The following USP25 variants were observed in gnomAD, a reference collection of about 807,000 sequenced individuals.
The protein encoded by USP25 is ubiquitin carboxyl-terminal hydrolase 25.
A neutral mutation model predicts 158.5 loss-of-function variants in USP25; 85 were observed. That is an observed-to-expected ratio of 0.54 (90% confidence interval 0.45 to 0.64). The LOEUF is 0.64. Ranked by LOEUF, USP25 falls within the 30% of genes least tolerant of loss-of-function variation. The pLI, the probability that USP25 is intolerant of heterozygous loss-of-function variation, is 0.00. For synonymous variants in USP25, 464 were observed against 460.4 expected (o/e 1.01, Z -0.10); for missense variants, 1,242 against 1,327.3 (o/e 0.94, Z 1.00).
At chr21:15,865,912 T>TG (rs923019992) in intron 21 of USP25, among the ~76,000 whole-genome samples, 2 of 152,060 alleles carry the variant, frequency 1.3e-5, no homozygotes, top group Admixed American at 6.6e-5. Context: ...TAATACCATG[T>TG]GGGGGGAAAA....
At chr21:15,783,406 A>C (rs2035081135) in intron 4 of USP25, among the ~76,000 whole-genome samples, 1 of 152,180 alleles carries the variant, frequency 6.6e-6, no homozygotes, top group Non-Finnish European at 1.5e-5. Context: ...ATGGACATCT[A>C]GGAATGAAAA....
rs2040229202 is a variant in USP25, at chr21:15,880,061, C to G, written c.*1586C>G. On this transcript the variant is annotated 3_prime_UTR_variant, in exon 26 of 26. Transcript: ENST00000400183. ...TCCTTAATATTTTATGACATTCTAC[C>G]ACAGTGGTAAAGTTGTTTGTGTTTG... 6.6e-6 allele frequency: 1 copy of G among 152,126 alleles called. No homozygotes were observed. The highest frequency in any genetic ancestry group is 6.5e-5 in the Admixed American group (1 of 15,272). 9.4% of individuals were successfully genotyped at this position (152,126 alleles called of 1,614,324 possible). A position where few individuals can be genotyped will look rare whatever the true frequency, so the allele number is the denominator to read the frequency against.
intron 16 of USP25, among the ~76,000 whole-genome samples, chr21:15,832,837 T>A (rs1010592803): frequency 2.0e-5 from 3 of 151,912 alleles, no homozygotes; most frequent in Non-Finnish European, 4.4e-5. Context: ...GCTAACACAG[T>A]GAAACCCCAT....
intron 19 of USP25, among the ~76,000 whole-genome samples, chr21:15,848,016 T>C (rs746654372): frequency 1.2e-4 from 18 of 152,210 alleles, no homozygotes; most frequent in Non-Finnish European, 5.9e-5. Flanking sequence ...GTTAATTCTT[T>C]TATGCAGAAA....
intron 7 of USP25, among the ~76,000 whole-genome samples, chr21:15,806,076 A>T (rs1268891261): frequency 9.6e-5 from 14 of 145,084 alleles, no homozygotes. Context: ...GGGCACTCAC[A>T]TCAGAGTTTC....
intron 1 of USP25, among the ~76,000 whole-genome samples, chr21:15,757,761 A>G (rs2033473411): frequency 6.6e-6 from 1 of 152,200 alleles, no homozygotes; most frequent in Non-Finnish European, 1.5e-5. Flanking sequence ...CTAACATGCC[A>G]TTGGTCAAAT....
chr21:15,854,969 G>A lies in USP25; in HGVS notation c.2547+5097G>A, dbSNP rs147419007. Among the ~76,000 whole-genome samples the A allele has an allele frequency of 5.5e-4, 84 of 152,248 alleles. No individual in the cohort carries two copies. The East Asian group carries it at 0.013, about 23-fold the overall frequency. On this transcript the variant is annotated intron_variant, in intron 20 of 25. Transcript: ENST00000400183. ...GCTTACGGAGAGAAGATTCTGTTGTGTAAAAATGAAATTCAGAGGAAAGCA... is the reference window on the plus strand; with the variant it reads ...GCTTACGGAGAGAAGATTCTGTTGTATAAAAATGAAATTCAGAGGAAAGCA...
chr21:15,800,177 C>T (rs909318617), intron 6 of USP25, among the ~76,000 whole-genome samples: 12 of 151,292 alleles, frequency 7.9e-5, no homozygotes, highest in African/African-American at 2.7e-4. Flanking sequence ...TTGTGGAAAT[C>T]GAAATTTCTT....
chr21:15,845,271 AT>A (rs1010895396), intron 18 of USP25, among the ~76,000 whole-genome samples: 6 of 152,222 alleles, frequency 3.9e-5, no homozygotes, highest in African/African-American at 1.2e-4. Flanking sequence ...TATTTTAATT[AT>A]TTTTGCAGCA....
chr21:15,808,944 A>C, intron 8 of USP25, 59 bp downstream of exon 8: 1 of 1,182,386 alleles, frequency 8.5e-7, no homozygotes, highest in African/African-American at 1.5e-5. Context: ...AGCATGTATT[A>C]AATGTCAACA....
chr21:15,732,423 G>T (rs2031008761), intron 1 of USP25, among the ~76,000 whole-genome samples: 1 of 152,114 alleles, frequency 6.6e-6, no homozygotes, highest in Non-Finnish European at 1.5e-5. Flanking sequence ...CATCTACCTC[G>T]ATAAGTTGAC....
intron 1 of USP25, among the ~76,000 whole-genome samples, chr21:15,736,832 G>GT (rs888224135): frequency 6.0e-5 from 9 of 149,542 alleles, no homozygotes; most frequent in East Asian, 2.0e-4. Flanking sequence ...TTAGTAGCTA[G>GT]TTTTTTTTAA....
intron 16 of USP25, 92 bp from the exon 17 acceptor site, chr21:15,833,255 GT>G: frequency 8.3e-7 from 1 of 1,204,426 alleles, no homozygotes; most frequent in Non-Finnish European, 1.2e-6. Context: ...ATAATTCATA[GT>G]TTAAATTCTA....
rs1568882438 is a variant in USP25 at position 15,846,141 on chromosome 21, TA to T, written c.2338-1521del. On this transcript the variant is annotated intron_variant, in intron 18 of 25. Transcript: ENST00000400183. ...GTGTGTGTATATATATATATATATA[TA>T]TATATATATATATATATTTTTTTTT... is the stretch of plus-strand genomic sequence containing the variant. Among the ~76,000 whole-genome samples, 175 of 59,332 alleles carry T rather than the reference TA, an allele frequency of 2.9e-3. 2 individuals are homozygous for T. The highest frequency in any genetic ancestry group is 4.4e-3 in the Non-Finnish European group (139 of 31,640). The allele number at this position is 59,332 out of a possible 152,430, so 38.9% of individuals were successfully genotyped here. A position where few individuals can be genotyped will look rare whatever the true frequency, so the allele number is the denominator to read the frequency against.
At chr21:15,818,146 C>G (rs922720001) in intron 9 of USP25, among the ~76,000 whole-genome samples, 2 of 152,140 alleles carry the variant, frequency 1.3e-5, no homozygotes, top group Non-Finnish European at 2.9e-5. Flanking sequence ...ACTCATTATT[C>G]AAGTCTGAGC....
intron 20 of USP25, among the ~76,000 whole-genome samples, chr21:15,864,031 CTTTTTTTTTT>C (rs369749565): frequency 1.2e-5 from 1 of 85,640 alleles, no homozygotes; most frequent in Non-Finnish European, 2.4e-5. Context: ...TGGGAGACTT[CTTTTTTTTTT>C]TTTTTTTTTT....
At chr21:15,731,003 A>ATTTTTTTT (rs2030820535) in intron 1 of USP25, among the ~76,000 whole-genome samples, 1 of 63,832 alleles carries the variant, frequency 1.6e-5, no homozygotes, top group African/African-American at 8.0e-5. Context: ...TTTTTTTTTC[A>ATTTTTTTT]ATATAGAAAC....
Position 15,878,634 on chromosome 21 carries a change from C to A in USP25, c.*159C>A. On this transcript the variant is annotated 3_prime_UTR_variant, in exon 26 of 26. Transcript: ENST00000400183. ...GACTATACAGACTTTAGTCAGACTG[C>A]AGACAATAAAGCTGAAAATCGCATG... 1 of 663,274 alleles carries A rather than the reference C, an allele frequency of 1.5e-6. No individual in the cohort carries two copies. The highest frequency in any genetic ancestry group is 2.2e-6 in the Non-Finnish European group (1 of 445,676). The allele number at this position is 663,274 out of a possible 1,614,324, so 41.1% of individuals were successfully genotyped here. A position where few individuals can be genotyped will look rare whatever the true frequency, so the allele number is the denominator to read the frequency against.
intron 4 of USP25, among the ~76,000 whole-genome samples, chr21:15,779,891 C>T (rs1017209210): frequency 1.3e-5 from 2 of 152,010 alleles, no homozygotes; most frequent in African/African-American, 2.4e-5. Context: ...TTCAATAACC[C>T]GCAATGAGCA....
Sources: allele counts gnomAD v4.1 joint callset (sites outside exome capture counted in the v4.1 genomes callset), GRCh38; gene constraint gnomAD v4.1.1; transcripts MANE v1.5; gene names NCBI Gene and HGNC (gene_info 2026-07-23, HGNC 2026-07-21).